CLIP1: variants seen among roughly 807,000 people sequenced by gnomAD.
CLIP1 encodes the protein CAP-Gly domain-containing linker protein 1.
A neutral mutation model predicts 161.6 loss-of-function variants in CLIP1; 66 were observed. The observed-to-expected ratio is 0.41, with a 90% CI of 0.33 to 0.50. The LOEUF (loss-of-function observed/expected upper bound fraction) is 0.50, where lower values mean the gene tolerates loss of function less well. CLIP1 is among the 20% of genes least tolerant of loss of function. The probability of loss-of-function intolerance (pLI) is 0.27; values close to 1 mark genes in which losing one functional copy is unlikely to be tolerated. For synonymous variants in CLIP1, 598 were observed against 626.2 expected, an observed-to-expected ratio of 0.96 and a Z score of 0.67; for missense variants, 1,376 against 1,702.0, an observed-to-expected ratio of 0.81 and a Z score of 3.37.
intron 17 of CLIP1, among the ~76,000 whole-genome samples, chr12:122,320,766 G>C (rs1254691319): frequency 2.0e-5 from 3 of 151,174 alleles, no homozygotes; most frequent in Non-Finnish European, 4.4e-5. Flanking sequence ...CTGGAGCGCA[G>C]TGGTGCAATC....
intron 2 of CLIP1, among the ~76,000 whole-genome samples, chr12:122,379,596 A>C (rs923724325): frequency 2.6e-5 from 4 of 151,378 alleles, no homozygotes; most frequent in African/African-American, 4.9e-5. Flanking sequence ...CAAACAAAAA[A>C]CCCTACAAAA....
At chr12:122,415,323 T>C (rs1956705743) in intron 1 of CLIP1, among the ~76,000 whole-genome samples, 1 of 148,110 alleles carries the variant, frequency 6.8e-6, no homozygotes. Flanking sequence ...CTACTAAAAA[T>C]ACAAAAAAAT....
chr12:122,338,708 C>T (rs1392929184), intron 11 of CLIP1, among the ~76,000 whole-genome samples: 2 of 152,044 alleles, frequency 1.3e-5, no homozygotes, highest in Non-Finnish European at 2.9e-5. Flanking sequence ...CAGAGTGAGA[C>T]TGTCTCAAAA....
intron 20 of CLIP1, 134 bp from the exon 21 acceptor site, chr12:122,288,675 C>A: frequency 1.5e-6 from 1 of 667,574 alleles, no homozygotes; most frequent in Non-Finnish European, 2.6e-6. Context: ...TGAAGAGGGA[C>A]AAGTGGTCAC....
Position 122,309,791 on chromosome 12 carries a change from T to C in CLIP1, c.3565A>G (p.Ser1189Gly). The C allele has an allele frequency of 6.2e-7, 1 of 1,613,152 alleles. No individual in the cohort carries two copies. Among genetic ancestry groups the C allele is most frequent in the Non-Finnish European group, 8.5e-7 (1 of 1,180,022 alleles). Residue 1189 changes from serine (S) to glycine (G), a missense_variant, in exon 20 of 26, where the codon AGC becomes GGC. Ser to Gly is a moderately conservative substitution (Grantham distance 56). This residue lies in a region of CLIP1 where 948 missense variants were observed against 1,134.8 expected (regional missense o/e 0.84). Transcript: ENST00000620786. ...TGATGACTTGTGACTTCGTCCCTGC[T>C]TCTCCCCAGCTCCTCAGCAAGTTTA... Reference protein sequence around the residue: ...NVKLAEELGRSRDEVTSHQKL... With the variant: ...NVKLAEELGRGRDEVTSHQKL...
At chr12:122,398,109 T>C (rs535428612) in intron 1 of CLIP1, among the ~76,000 whole-genome samples, 1 of 152,058 alleles carries the variant, frequency 6.6e-6, no homozygotes, top group African/African-American at 2.4e-5. Context: ...GCCAAGTAAA[T>C]TCCTCAAATA....
intron 1 of CLIP1, among the ~76,000 whole-genome samples, chr12:122,410,892 CACG>C (rs1357783251): frequency 6.6e-6 from 1 of 152,110 alleles, no homozygotes; most frequent in Non-Finnish European, 1.5e-5. Flanking sequence ...AAATCAAAAT[CACG>C]ATGAGATACC....
chr12:122,370,214 T>G (rs1593182619), intron 3 of CLIP1, among the ~76,000 whole-genome samples: 4 of 137,488 alleles, frequency 2.9e-5, no homozygotes, highest in African/African-American at 8.1e-5. Flanking sequence ...AAGGGGCCAG[T>G]GTAGCTGAAG....
At chr12:122,344,245 A>T (rs2136372726) in intron 10 of CLIP1, among the ~76,000 whole-genome samples, 1 of 152,316 alleles carries the variant, frequency 6.6e-6, no homozygotes, top group South Asian at 2.1e-4. Context: ...CTGCATAATC[A>T]AAGTAAATAA....
In CLIP1 at chr12:122,393,912, C is replaced by CAAAAAAAAAAAAAAAAAAA. The variant is rs71082981; in HGVS notation, c.-106-13355_-106-13354insTTTTTTTTTTTTTTTTTTT. ...GGGTGACAGAGTGAGATTCTGTCTC[C>CAAAAAAAAAAAAAAAAAAA]AAAAAAAAAAAAAAAAAAGATTCTA... On this transcript the variant is annotated intron_variant, in intron 1 of 25. Transcript: ENST00000620786. 1.4e-4 allele frequency among the ~76,000 whole-genome samples: 9 copies of CAAAAAAAAAAAAAAAAAAA among 63,164 alleles called. 1 individual carries two copies. The highest frequency in any genetic ancestry group is 3.7e-4 in the African/African-American group (8 of 21,618). 41.4% of individuals were successfully genotyped at this position (63,164 alleles called of 152,430 possible).
At chr12:122,365,301 CA>C in intron 3 of CLIP1, 1 of 804,868 alleles carries the variant, frequency 1.2e-6, no homozygotes, top group Non-Finnish European at 2.2e-6. Context: ...GCGTACTGTT[CA>C]AAAAGGAATG....
chr12:122,332,349 A>G (rs945485530), intron 15 of CLIP1, among the ~76,000 whole-genome samples: 3 of 151,624 alleles, frequency 2.0e-5, no homozygotes, highest in South Asian at 2.1e-4. Flanking sequence ...ACATCTATAT[A>G]TAAACACATC....
chr12:122,416,827 G>C (rs998580507), intron 1 of CLIP1, among the ~76,000 whole-genome samples: 1 of 152,030 alleles, frequency 6.6e-6, no homozygotes, highest in African/African-American at 2.4e-5. Context: ...TTGAACCCAG[G>C]AGGCAGAGGT....
chr12:122,392,557 C>A (rs1216326792), intron 1 of CLIP1, among the ~76,000 whole-genome samples: 2 of 152,058 alleles, frequency 1.3e-5, no homozygotes, highest in East Asian at 3.9e-4. Context: ...CTGTACAACA[C>A]TTCACGCAAA....
chr12:122,352,704 A>AAGAG (rs1318708678), intron 8 of CLIP1, 22 bp downstream of exon 8: 1 of 1,603,850 alleles, frequency 6.2e-7, no homozygotes, highest in African/African-American at 1.3e-5. Flanking sequence ...TAAAAGCTGT[A>AAGAG]AGAGAGCTGG....
rs1955237315 is a variant in CLIP1, at chr12:122,273,035, T to A, written c.4157A>T (p.Asp1386Val). 6.2e-7 allele frequency: 1 copy of A among 1,614,056 alleles called. No individual in the cohort carries two copies. The highest frequency in any genetic ancestry group is 1.7e-5 in the Admixed American group (1 of 59,992). The change falls in exon 26 of 26, where the codon GAT (aspartate) becomes GTT (valine). Residue 1386 changes from aspartate to valine, a missense_variant. This residue lies in a region of CLIP1 where 948 missense variants were observed against 1,134.8 expected (regional missense o/e 0.84). Transcript: ENST00000620786. Reference sequence around the variant, plus strand: ...AGGACAATCCTCTGTGTCGTGGAGATCAAAGCAGTCACAAATGTCACAGAA... The same window carrying A: ...AGGACAATCCTCTGTGTCGTGGAGAACAAAGCAGTCACAAATGTCACAGAA... ...RLFCDICDCF[D>V]LHDTEDCPTQ...
chr12:122,314,687 T>C (rs567685634), intron 19 of CLIP1, among the ~76,000 whole-genome samples: 1 of 152,292 alleles, frequency 6.6e-6, no homozygotes, highest in East Asian at 1.9e-4. Context: ...CAGCTGCCCA[T>C]GGGACACAAT....
chr12:122,336,266 TAGGGGCCTCATTCAATATGA>T (rs1240197720), intron 12 of CLIP1, among the ~76,000 whole-genome samples: 2 of 152,140 alleles, frequency 1.3e-5, no homozygotes, highest in African/African-American at 2.4e-5. Context: ...AATCACAGTT[TAGGGGCCTCATTCAATATGA>T]AGGGGCCTCA....
chr12:122,376,759 G>A lies in CLIP1; in HGVS notation c.657+630C>T, dbSNP rs576094977. ...TGCTGGGATTACAGGCATGAGCCAC[G>A]GCACCTGGCCAAGAAAATTTTTAAT... is the stretch of plus-strand genomic sequence containing the variant. On this transcript the variant is annotated intron_variant, in intron 3 of 25. Transcript: ENST00000620786. Among the ~76,000 whole-genome samples the A allele has an allele frequency of 8.6e-5, 13 of 151,764 alleles. No homozygotes were observed. In the South Asian group the frequency reaches 1.2e-3, roughly 15 times the overall value.
Sources: gnomAD v4.1 joint callset for allele counts (sites outside exome capture counted in the v4.1 genomes callset) on GRCh38, gnomAD v4.1.1 for gene constraint, gnomAD v4.1.1 regional missense constraint, MANE v1.5 for transcripts, NCBI Gene and HGNC (gene_info 2026-07-23, HGNC 2026-07-21) for gene names.